RAB40A: variants seen among roughly 807,000 people sequenced by gnomAD.
RAB40A encodes the protein ras-related protein Rab-40A.
For synonymous variants in RAB40A, 65 were observed against 99.9 expected (o/e 0.65, Z 2.08); for missense variants, 145 against 230.2 (o/e 0.63, Z 2.40).
At chrX:103,503,571 T>TAAAAA in intron 2 of RAB40A, 1 of 630,977 alleles carries the variant, frequency 1.6e-6, no homozygotes, top group Non-Finnish European at 1.9e-6. Flanking sequence ...ATGTCCTCCT[T>TAAAAA]TAAAAAAAAA....
In RAB40A at chrX:103,500,053, A is replaced by T. The variant is rs1355573610; in HGVS notation, c.704T>A (p.Met235Lys). 8.3e-7 allele frequency: 1 copy of T among 1,210,616 alleles called. No individual in the cohort carries two copies. The highest frequency in any genetic ancestry group is 1.1e-6 in the Non-Finnish European group (1 of 895,314). Residue 235 changes from methionine (M) to lysine (K), a missense_variant, in exon 3 of 3, where the codon ATG (methionine) becomes AAG (lysine). Transcript: ENST00000304236. ...GAGGGAGTAGGAGAGGCCTCGCATC[A>T]TCCTGGCATTCAGGCCCTTAGCCAT... ...FSMAKGLNAR[M>K]MRGLSYSLTT...
chrX:103,509,190 G>C (rs2073272688), intron 2 of RAB40A, among the ~76,000 whole-genome samples: 1 of 111,564 alleles, frequency 9.0e-6, no homozygotes, highest in African/African-American at 3.3e-5. Flanking sequence ...TCTGAGATGA[G>C]ACGACTTCTT....
intron 2 of RAB40A, among the ~76,000 whole-genome samples, chrX:103,507,205 G>C (rs554782575): frequency 9.0e-6 from 1 of 111,403 alleles, no homozygotes. Flanking sequence ...TCCCTGGAAA[G>C]GACATAATCT....
intron 2 of RAB40A, among the ~76,000 whole-genome samples, chrX:103,509,626 T>C (rs1163084399): frequency 2.0e-5 from 1 of 49,503 alleles, no homozygotes; most frequent in Non-Finnish European, 3.7e-5. Flanking sequence ...AAAAGAGTTT[T>C]CTGCATTTTC....
intron 2 of RAB40A, among the ~76,000 whole-genome samples, chrX:103,506,579 A>G (rs2147584029): frequency 9.0e-6 from 1 of 111,092 alleles, no homozygotes; most frequent in East Asian, 2.8e-4. Flanking sequence ...TACTTAAAGT[A>G]TCTTGTGTGT....
intron 2 of RAB40A, among the ~76,000 whole-genome samples, chrX:103,511,353 A>T (rs747173650): frequency 3.1e-4 from 34 of 109,662 alleles, no homozygotes; most frequent in African/African-American, 1.0e-3. Flanking sequence ...ATACAAAAAA[A>T]TTAGGCAGGT....
chrX:103,507,048 C>T (rs1348946758), intron 2 of RAB40A, among the ~76,000 whole-genome samples: 1 of 102,321 alleles, frequency 9.8e-6, no homozygotes, highest in Non-Finnish European at 2.0e-5. Flanking sequence ...ACCCCCCACC[C>T]CCCAACAAGC....
chrX:103,505,296 AG>A (rs2073249136), intron 2 of RAB40A, among the ~76,000 whole-genome samples: 1 of 112,138 alleles, frequency 8.9e-6, no homozygotes, highest in African/African-American at 3.2e-5. Flanking sequence ...CTAATGTTAT[AG>A]TACTACTACA....
chrX:103,516,484 T>C (rs1046244079), intron 2 of RAB40A, among the ~76,000 whole-genome samples: 1 of 111,502 alleles, frequency 9.0e-6, no homozygotes, highest in Non-Finnish European at 1.9e-5. Context: ...TTTTTTGATA[T>C]TGTATTTTCA....
Position 103,500,599 on chromosome X carries a change from G to A in RAB40A, c.158C>T (p.Thr53Met), listed in dbSNP as rs763759164. 1.7e-6 allele frequency: 2 copies of A among 1,211,339 alleles called. No homozygotes were observed. Among genetic ancestry groups the A allele is most frequent in the Admixed American group, 2.2e-5 (1 of 46,032 alleles). The change falls in exon 3 of 3, where the codon ACG becomes ATG. Residue 53 changes from threonine (T) to methionine (M), a missense_variant. Transcript: ENST00000304236. The stretch of plus-strand genomic sequence containing the variant: ...CTGGCCGTCCAGCAGGATGGTGGTC[G>A]TCTTGTAGTCGATCCCCCCGAGATG... Reference protein sequence around the residue: ...YSHLGGIDYKTTTILLDGQRV... With the variant: ...YSHLGGIDYKMTTILLDGQRV...
downstream of RAB40A, among the ~76,000 whole-genome samples, chrX:103,494,455 G>A (rs1310275320): frequency 9.0e-6 from 1 of 111,663 alleles, no homozygotes; most frequent in Non-Finnish European, 1.9e-5. Flanking sequence ...CCATTTGTCC[G>A]TTTTTGCTTT....
downstream of RAB40A, among the ~76,000 whole-genome samples, chrX:103,495,770 T>A (rs748893397): frequency 8.9e-6 from 1 of 112,150 alleles, no homozygotes; most frequent in African/African-American, 3.2e-5. Context: ...TGAATGATGA[T>A]CCTGTATACA....
At chrX:103,506,328 T>A (rs1218908290) in intron 2 of RAB40A, among the ~76,000 whole-genome samples, 3 of 111,404 alleles carry the variant, frequency 2.7e-5, no homozygotes, top group Non-Finnish European at 5.6e-5. Flanking sequence ...CCATTATTAA[T>A]TATAATAGCT....
intron 2 of RAB40A, among the ~76,000 whole-genome samples, chrX:103,516,201 G>A (rs1451304023): frequency 8.9e-6 from 1 of 111,751 alleles, no homozygotes; most frequent in East Asian, 2.8e-4. Context: ...AGAGGTTTTA[G>A]GGGATATAGT....
At chrX:103,516,093 A>G (rs987591065) in intron 2 of RAB40A, among the ~76,000 whole-genome samples, 30 of 112,015 alleles carry the variant, frequency 2.7e-4, no homozygotes, top group African/African-American at 9.7e-4. Context: ...TATAGCAGAG[A>G]CGGAAGGAGA....
At chrX:103,505,731 A>G (rs1229491603) in intron 2 of RAB40A, among the ~76,000 whole-genome samples, 1 of 111,635 alleles carries the variant, frequency 9.0e-6, no homozygotes. Flanking sequence ...TTTCTTTCTT[A>G]AGAGTATGTT....
At chrX:103,504,880 C>T (rs963461693) in intron 2 of RAB40A, among the ~76,000 whole-genome samples, 2 of 112,051 alleles carry the variant, frequency 1.8e-5, no homozygotes, top group African/African-American at 6.5e-5. Context: ...TATATTTAAT[C>T]TTAAAGAAGG....
downstream of RAB40A, among the ~76,000 whole-genome samples, chrX:103,498,902 A>G (rs1053579450): frequency 8.9e-6 from 1 of 112,111 alleles, no homozygotes; most frequent in African/African-American, 3.2e-5. Flanking sequence ...TTTCCCATCT[A>G]AGGTCTCAGA....
At chrX:103,509,289 A>ATCTCTCTCTCTCTC (rs373450734) in intron 2 of RAB40A, among the ~76,000 whole-genome samples, 32 of 86,110 alleles carry the variant, frequency 3.7e-4, no homozygotes, top group African/African-American at 1.2e-3. Flanking sequence ...CAGCCACAGG[A>ATCTCTCTCTCTCTC]TCTCTCTCTC....
Sources: allele counts gnomAD v4.1 joint callset (sites outside exome capture counted in the v4.1 genomes callset), GRCh38; gene constraint gnomAD v4.1.1; transcripts MANE v1.5; gene names NCBI Gene and HGNC (gene_info 2026-07-23, HGNC 2026-07-21).